The following UROC1 variants were observed in gnomAD, a reference collection of about 807,000 sequenced individuals.
UROC1 encodes urocanate hydratase.
UROC1 carries 79 observed loss-of-function variants against 89.5 expected under a neutral mutation model. The observed-to-expected ratio is 0.88, with a 90% CI of 0.74 to 1.06. UROC1 has a LOEUF of 1.06. Ranked by LOEUF, UROC1 falls within the 50% of genes least tolerant of loss-of-function variation. The pLI is 0.00. For synonymous variants in UROC1, 361 were observed against 354.8 expected, an observed-to-expected ratio of 1.02 and a Z score of -0.20; for missense variants, 885 against 907.8, an observed-to-expected ratio of 0.97 and a Z score of 0.32.
intron 2 of UROC1, 38 bp from the exon 3 acceptor site, chr3:126,509,716 G>C: frequency 6.5e-7 from 1 of 1,534,600 alleles, no homozygotes; most frequent in African/African-American, 1.4e-5. Flanking sequence ...TGCCCTTCCC[G>C]CCAAAGCACA....
chr3:126,496,009 C>T (rs747220784), intron 15 of UROC1, 29 bp downstream of exon 15: 6 of 1,609,020 alleles, frequency 3.7e-6, no homozygotes, highest in South Asian at 3.3e-5. Context: ...GCACAGCCAC[C>T]CCAGCCTCCC....
intron 12 of UROC1, among the ~76,000 whole-genome samples, 192 bp from the exon 13 acceptor site, chr3:126,499,601 G>A (rs1195486573): frequency 6.6e-6 from 1 of 152,230 alleles, no homozygotes; most frequent in Non-Finnish European, 1.5e-5. Context: ...CAGGATGCAT[G>A]CGCTTGCCAT....
chr3:126,495,937 G>C (rs1194627619), intron 15 of UROC1, 101 bp downstream of exon 15: 5 of 1,175,228 alleles, frequency 4.3e-6, no homozygotes, highest in African/African-American at 3.0e-5. Context: ...TGGCAAGCTG[G>C]AGGCTGTGGA....
chr3:126,506,817 C>T (rs1206984202), intron 6 of UROC1, among the ~76,000 whole-genome samples: 7 of 152,188 alleles, frequency 4.6e-5, no homozygotes, highest in Admixed American at 4.6e-4. Flanking sequence ...GTGGCTCATG[C>T]CTGTAATCCC....
At position 126,499,313 on chromosome 3, in the gene UROC1, ATGTGGCAGCCGCCCATCAC is replaced by A. The variant is rs1935853944; in HGVS notation, c.1316+5_1316+23del. On this transcript the variant is annotated splice_donor_5th_base_variant and intron_variant, in intron 13 of 19. Coordinates refer to ENST00000290868, the MANE Select transcript of UROC1 (RefSeq NM_144639.3). ...GCAGGGGTGGCACTGGGCACACTAG[ATGTGGCAGCCGCCCATCAC>A]TCACCCCATGATGTGCTGCACATAG... is the stretch of plus-strand genomic sequence containing the variant. 6.2e-7 allele frequency: 1 copy of A among 1,608,114 alleles called. No individual in the cohort carries two copies. Among genetic ancestry groups the A allele is most frequent in the East Asian group, 2.2e-5 (1 of 44,714 alleles).
Position 126,492,517 on chromosome 3 carries a change from C to T in UROC1, c.1510-1G>A. 6.2e-7 allele frequency: 1 copy of T among 1,611,236 alleles called. No homozygotes were observed. The highest frequency in any genetic ancestry group is 8.5e-7 in the Non-Finnish European group (1 of 1,179,740). On this transcript the variant is annotated splice_acceptor_variant, in intron 15 of 19. Transcript: ENST00000290868. LOFTEE classifies it high-confidence loss of function. ...GGATCCTTGCCTGGGAGCCCACCAC[C>T]TGAGGAGAGAAGGGCAACTGGCATC...
intron 18 of UROC1, among the ~76,000 whole-genome samples, chr3:126,484,903 C>T (rs1379453161): frequency 6.6e-6 from 1 of 152,224 alleles, no homozygotes; most frequent in Non-Finnish European, 1.5e-5. Flanking sequence ...CTAGAGAGGC[C>T]TCTTGGAGAT....
chr3:126,497,620 G>A (rs1001994626), intron 14 of UROC1, among the ~76,000 whole-genome samples: 1 of 152,216 alleles, frequency 6.6e-6, no homozygotes. Flanking sequence ...TGGAGGGGGA[G>A]GCTGGGTCTG....
At position 126,517,682 on chromosome 3, in the gene UROC1, A is replaced by G. The variant is rs780052973; in HGVS notation, c.38T>C (p.Leu13Pro). Residue 13 changes from leucine to proline, a missense_variant, in exon 1 of 20, where the codon CTG becomes CCG. Leu to Pro is a moderately conservative substitution (Grantham distance 98, BLOSUM62 -3). Coordinates refer to ENST00000290868, the MANE Select transcript of UROC1 (RefSeq NM_144639.3). ...TCCCCGGTTCTCTGGGAGGGGCCGC[A>G]GGGGCAGGCCAGAGCACAGCGCCTG... ...SLQALCSGLP[L>P]RPLPENRGRQ... 108 of 1,600,402 alleles carry G rather than the reference A, an allele frequency of 6.7e-5. No homozygotes were observed. Among genetic ancestry groups the G allele is most frequent in the Non-Finnish European group, 9.2e-5 (108 of 1,174,312 alleles).
chr3:126,489,996 G>A (rs1449420702), intron 16 of UROC1, among the ~76,000 whole-genome samples: 1 of 152,142 alleles, frequency 6.6e-6, no homozygotes, highest in Non-Finnish European at 1.5e-5. Context: ...TAGAGACGTG[G>A]CTGGCTGATG....
intron 17 of UROC1, among the ~76,000 whole-genome samples, chr3:126,488,647 A>C (rs1935572217): frequency 6.6e-6 from 1 of 152,242 alleles, no homozygotes; most frequent in Non-Finnish European, 1.5e-5. Flanking sequence ...AGAGGAGCAA[A>C]CTGCAAATAA....
At chr3:126,506,727 T>C (rs1172501650) in intron 6 of UROC1, among the ~76,000 whole-genome samples, 2 of 152,162 alleles carry the variant, frequency 1.3e-5, no homozygotes, top group Admixed American at 6.5e-5. Context: ...AACTGGAGAA[T>C]CTAGGACGTA....
rs749490713 is a variant in UROC1, at chr3:126,508,398, C to A, written c.411+18G>T. The A allele has an allele frequency of 2.9e-5, 47 of 1,613,054 alleles. No individual in the cohort carries two copies. Among genetic ancestry groups the A allele is most frequent in the Non-Finnish European group, 3.9e-5 (46 of 1,179,280 alleles). ...GGAAAGGCCAGGGGTGGGGACGAGG[C>A]CACACGGTGTGCAGTACCTGAGCCC... On this transcript the variant is annotated intron_variant, in intron 4 of 19. Transcript: ENST00000290868.
At chr3:126,505,374 A>G (rs1299278670) in intron 8 of UROC1, among the ~76,000 whole-genome samples, 1 of 152,150 alleles carries the variant, frequency 6.6e-6, no homozygotes, top group Non-Finnish European at 1.5e-5. Context: ...ATTCCCTCCC[A>G]TCTGTATTCC....
intron 18 of UROC1, among the ~76,000 whole-genome samples, chr3:126,487,604 C>T (rs1050707270): frequency 7.2e-5 from 11 of 152,330 alleles, no homozygotes; most frequent in African/African-American, 1.2e-4. Context: ...GTCCTCCCTC[C>T]GAAGCTGCAG....
chr3:126,492,387 G>T, intron 16 of UROC1, 31 bp downstream of exon 16: 1 of 1,598,092 alleles, frequency 6.3e-7, no homozygotes, highest in African/African-American at 1.3e-5. Context: ...GAGGCTGAGG[G>T]ATGCTTCCCC....
At position 126,496,112 on chromosome 3, in the gene UROC1, C is replaced by T. The variant is rs746092563; in HGVS notation, c.1439-4G>A. Reference sequence around the variant, plus strand: ...TGCAGCTTCACAGACACCTTCACTGCAGGAGAGAGGACAGCAGGCGTCAGA... The same window carrying T: ...TGCAGCTTCACAGACACCTTCACTGTAGGAGAGAGGACAGCAGGCGTCAGA... On this transcript the variant is annotated splice_region_variant and splice_polypyrimidine_tract_variant and intron_variant, in intron 14 of 19. Transcript: ENST00000290868. The T allele has an allele frequency of 1.9e-6, 3 of 1,612,562 alleles. No individual in the cohort carries two copies. The highest frequency in any genetic ancestry group is 2.5e-6 in the Non-Finnish European group (3 of 1,179,698).
chr3:126,501,848 C>G, intron 9 of UROC1: 2 of 1,599,480 alleles, frequency 1.3e-6, no homozygotes, highest in Admixed American at 1.7e-5. Flanking sequence ...CTCCCCTCCC[C>G]CAGGGGTGCA....
chr3:126,502,078 G>A (rs1438674714), intron 9 of UROC1: 1 of 918,346 alleles, frequency 1.1e-6, no homozygotes, highest in African/African-American at 1.7e-5. Context: ...GTATGTGTGT[G>A]TGTTCATGTG....
Sources: gnomAD v4.1 joint callset for allele counts (sites outside exome capture counted in the v4.1 genomes callset) on GRCh38, gnomAD v4.1.1 for gene constraint, MANE v1.5 for transcripts, NCBI Gene and HGNC (gene_info 2026-07-23, HGNC 2026-07-21) for gene names.